The following GPR107 variants were observed in gnomAD, a reference collection of about 807,000 sequenced individuals.
The protein encoded by GPR107 is G protein-coupled receptor 107.
In GPR107, 31 loss-of-function variants were observed where a neutral mutation model predicts 75.5. The observed-to-expected ratio is 0.41, with a 90% CI of 0.31 to 0.55. The LOEUF (loss-of-function observed/expected upper bound fraction) is 0.55, where lower values mean the gene tolerates loss of function less well. Ranked by LOEUF, GPR107 falls within the 20% of genes least tolerant of loss-of-function variation. The pLI, the probability that GPR107 is intolerant of heterozygous loss-of-function variation, is 0.26. For synonymous variants in GPR107, 267 were observed against 251.3 expected, an observed-to-expected ratio of 1.06 and a Z score of -0.59; for missense variants, 572 against 665.7, an observed-to-expected ratio of 0.86 and a Z score of 1.55.
chr9:130,125,328 C>T (rs899085420), intron 15 of GPR107, among the ~76,000 whole-genome samples: 2 of 151,294 alleles, frequency 1.3e-5, no homozygotes, highest in Admixed American at 6.6e-5. Flanking sequence ...GTGATCCACC[C>T]GCCTCGGCCT....
chr9:130,056,283 C>T (rs1057415601), intron 1 of GPR107, among the ~76,000 whole-genome samples: 3 of 151,924 alleles, frequency 2.0e-5, no homozygotes, highest in African/African-American at 4.8e-5. Flanking sequence ...GAAATCACAT[C>T]TCTACTAAAA....
At chr9:130,062,656 GCCTGCCTTCCTTCCTTCCTTCCTTCCTT>G (rs904599435) in intron 1 of GPR107, among the ~76,000 whole-genome samples, 4 of 46,098 alleles carry the variant, frequency 8.7e-5, no homozygotes, top group African/African-American at 2.6e-4. Flanking sequence ...CTGCCTGCCT[GCCTGCCTTCCTTCCTTCCTTCCTTCCTT>G]CCTTCCTTCC....
chr9:130,080,511 A>G (rs1229535945), intron 5 of GPR107, among the ~76,000 whole-genome samples: 1 of 147,224 alleles, frequency 6.8e-6, no homozygotes, highest in African/African-American at 2.5e-5. Context: ...TTATTTTTTG[A>G]GACGGAGTCT....
chr9:130,093,005 G>A (rs1830777498), intron 9 of GPR107, among the ~76,000 whole-genome samples: 1 of 152,160 alleles, frequency 6.6e-6, no homozygotes, highest in Admixed American at 6.5e-5. Context: ...AGGACTGAGA[G>A]TAAACACATG....
intron 17 of GPR107, among the ~76,000 whole-genome samples, chr9:130,133,841 G>A (rs1831889030): frequency 6.6e-6 from 1 of 152,172 alleles, no homozygotes; most frequent in East Asian, 1.9e-4. Flanking sequence ...TTGAGCCTGG[G>A]CATGGTAGCA....
At chr9:130,128,308 A>G (rs2038161320) in intron 16 of GPR107, among the ~76,000 whole-genome samples, 1 of 152,206 alleles carries the variant, frequency 6.6e-6, no homozygotes, top group Non-Finnish European at 1.5e-5. Flanking sequence ...TACTAGAGGA[A>G]GCCACCAAAT....
chr9:130,062,632 T>TG lies in GPR107; in HGVS notation c.141+8559_141+8560insG, dbSNP rs1564657571. ...TGCCTGCCTGCCTGCCTTCCTGCCTTCCTGCCTGCCTGCCTGCCTGCCTGC... is the reference window on the plus strand; with the variant it reads ...TGCCTGCCTGCCTGCCTTCCTGCCTTGCCTGCCTGCCTGCCTGCCTGCCTGC... On this transcript the variant is annotated intron_variant, in intron 1 of 17. Coordinates refer to ENST00000347136, the MANE Select transcript of GPR107 (RefSeq NM_020960.5). Among the ~76,000 whole-genome samples, 267 of 136,990 alleles carry TG rather than the reference T, an allele frequency of 1.9e-3. 2 individuals carry two copies. The highest frequency in any genetic ancestry group is 3.8e-3 in the Middle Eastern group (1 of 266). 89.9% of individuals were successfully genotyped at this position (136,990 alleles called of 152,430 possible). A position where few individuals can be genotyped will look rare whatever the true frequency, so the allele number is the denominator to read the frequency against.
intron 7 of GPR107, among the ~76,000 whole-genome samples, chr9:130,088,375 G>A (rs1830663072): frequency 6.6e-6 from 1 of 152,160 alleles, no homozygotes; most frequent in African/African-American, 2.4e-5. Flanking sequence ...AGCTTCTCTT[G>A]TTTGTAGCTC....
intron 1 of GPR107, among the ~76,000 whole-genome samples, chr9:130,055,991 C>G (rs1829778981): frequency 6.7e-6 from 1 of 149,060 alleles, no homozygotes; most frequent in African/African-American, 2.5e-5. Flanking sequence ...CTGACTGGAT[C>G]CATACAACCT....
intron 1 of GPR107, among the ~76,000 whole-genome samples, chr9:130,066,938 A>T (rs927286076): frequency 2.0e-4 from 31 of 151,904 alleles, no homozygotes; most frequent in Admixed American, 2.0e-3. Flanking sequence ...GTGAGCCGAG[A>T]TGGCGCCACT....
intron 1 of GPR107, among the ~76,000 whole-genome samples, chr9:130,061,382 A>G (rs1475173257): frequency 1.3e-5 from 2 of 152,226 alleles, no homozygotes; most frequent in African/African-American, 4.8e-5. Context: ...TGAATGAGCC[A>G]GGCATTTGAG....
intron 17 of GPR107, 96 bp downstream of exon 17, chr9:130,128,857 TGGCTGCAGG>T: frequency 3.5e-6 from 4 of 1,138,566 alleles, no homozygotes; most frequent in Non-Finnish European, 5.2e-6. Context: ...CAGCATTTCG[TGGCTGCAGG>T]GGTGGTTCCT....
chr9:130,091,905 A>T (rs1013863235), intron 8 of GPR107, among the ~76,000 whole-genome samples: 5 of 152,044 alleles, frequency 3.3e-5, no homozygotes, highest in African/African-American at 1.2e-4. Flanking sequence ...CATGTTGGCC[A>T]GGCTGGTCTT....
At chr9:130,101,022 A>G (rs1209985665) in intron 11 of GPR107, 84 bp from the exon 12 acceptor site, 2 of 819,178 alleles carry the variant, frequency 2.4e-6, no homozygotes, top group East Asian at 4.9e-5. Context: ...AAGCTTGTGA[A>G]CTCATAGAAT....
At chr9:130,085,115 T>A (rs1014346584) in intron 6 of GPR107, among the ~76,000 whole-genome samples, 2 of 152,138 alleles carry the variant, frequency 1.3e-5, no homozygotes, top group Non-Finnish European at 2.9e-5. Context: ...GAGTTCCTGA[T>A]TGGGAAAGAC....
intron 2 of GPR107, 116 bp from the exon 3 acceptor site, chr9:130,076,296 A>G (rs914924883): frequency 1.6e-6 from 1 of 617,102 alleles, no homozygotes; most frequent in Admixed American, 2.6e-5. Flanking sequence ...TTACAAAATG[A>G]ATGCTAAGAA....
At chr9:130,106,574 C>T (rs192868632) in intron 13 of GPR107, among the ~76,000 whole-genome samples, 315 of 149,224 alleles carry the variant, frequency 2.1e-3, no homozygotes, top group Non-Finnish European at 2.1e-3. Context: ...TCCAGCCTGG[C>T]GACAGAACAA....
At position 130,112,589 on chromosome 9, in the gene GPR107, C is replaced by T. The variant is rs1288902040; in HGVS notation, c.1306+5050C>T. On this transcript the variant is annotated intron_variant, in intron 14 of 17. Coordinates refer to ENST00000347136, the MANE Select transcript of GPR107 (RefSeq NM_020960.5). The surrounding 1 kb of genome is among the most constrained non-coding windows in gnomAD (Gnocchi z 4.0). ...AACTGTTGATGTGATTAAATCTCAA[C>T]CCTTGCCTTTTAATATTCTGTGAGA... is the stretch of plus-strand genomic sequence containing the variant. Among the ~76,000 whole-genome samples, 1 of 152,128 alleles carries T rather than the reference C, an allele frequency of 6.6e-6. No homozygotes were observed. Among genetic ancestry groups the T allele is most frequent in the Non-Finnish European group, 1.5e-5 (1 of 68,032 alleles).
intron 1 of GPR107, among the ~76,000 whole-genome samples, chr9:130,063,213 C>T (rs180776133): frequency 1.2e-3 from 183 of 150,064 alleles, no homozygotes; most frequent in African/African-American, 4.3e-3. Flanking sequence ...TTTTTTGAGA[C>T]GGAGTCTCGC....
Sources: gnomAD v4.1 joint callset for allele counts (sites outside exome capture counted in the v4.1 genomes callset) on GRCh38, gnomAD v4.1.1 for gene constraint, Gnocchi (gnomAD v3.1) non-coding constraint, MANE v1.5 for transcripts, NCBI Gene and HGNC (gene_info 2026-07-23, HGNC 2026-07-21) for gene names.